GDPGP1: variants seen among roughly 807,000 people sequenced by gnomAD.
The protein encoded by GDPGP1 is GDP-D-glucose phosphorylase C15orf58.
GDPGP1 carries 18 observed loss-of-function variants against 19.2 expected under a neutral mutation model. The ratio of observed to expected loss-of-function variants is 0.94; its 90% CI spans 0.65 to 1.39. The LOEUF (loss-of-function observed/expected upper bound fraction) is 1.39, where lower values mean the gene tolerates loss of function less well. Among genes scored for constraint, GDPGP1 ranks in the 40% most tolerant of loss-of-function variants. The pLI is 0.00. For synonymous variants in GDPGP1, 219 were observed against 208.9 expected (o/e 1.05, Z -0.42); for missense variants, 449 against 490.5 (o/e 0.92, Z 0.80).
chr15:90,241,440 C>T lies in GDPGP1; in HGVS notation c.532C>T (p.Pro178Ser). 6.2e-7 allele frequency: 1 copy of T among 1,613,562 alleles called. No individual in the cohort carries two copies. The highest frequency in any genetic ancestry group is 1.1e-5 in the South Asian group (1 of 91,074). ...LLVPEPARQL[P>S]QRLLPGALRA... Reference sequence around the variant, plus strand: ...GGTGCCTGAGCCTGCCCGCCAGCTCCCCCAGCGCCTGCTGCCGGGTGCACT... The same window carrying T: ...GGTGCCTGAGCCTGCCCGCCAGCTCTCCCAGCGCCTGCTGCCGGGTGCACT... Residue 178 changes from proline (P) to serine (S), a missense_variant, in exon 4 of 4, where the codon CCC becomes TCC. Physicochemically the swap from Pro to Ser is moderately conservative, Grantham distance 74 (BLOSUM62 -1). Coordinates refer to ENST00000329600, the MANE Select transcript of GDPGP1 (RefSeq NM_001013657.3).
At position 90,241,966 on chromosome 15, in the gene GDPGP1, C is replaced by G. The variant is rs369622804; in HGVS notation, c.1058C>G (p.Ala353Gly). The G allele has an allele frequency of 6.2e-7, 1 of 1,613,956 alleles. No homozygotes were observed. Among genetic ancestry groups the G allele is most frequent in the Non-Finnish European group, 8.5e-7 (1 of 1,179,914 alleles). The stretch of plus-strand genomic sequence containing the variant: ...CAGGACTTCAGCAGCCTGACAGAGG[C>G]AGCTGCTGTGGCCCTCATTCAGGAC... ...TSQDFSSLTE[A>G]AAVALIQDCR... The change falls in exon 4 of 4, where the codon GCA becomes GGA. Residue 353 changes from alanine to glycine, a missense_variant. By Grantham distance (60) the Ala-to-Gly change is moderately conservative (BLOSUM62 0). Transcript: ENST00000329600.
At chr15:90,237,533 G>T (rs762414005) in intron 2 of GDPGP1, among the ~76,000 whole-genome samples, 4 of 151,866 alleles carry the variant, frequency 2.6e-5, no homozygotes. Flanking sequence ...ATTCACCTGC[G>T]TCAGCCTCCC....
intron 3 of GDPGP1, among the ~76,000 whole-genome samples, chr15:90,239,576 A>G (rs1482949705): frequency 1.3e-5 from 2 of 152,302 alleles, no homozygotes; most frequent in Non-Finnish European, 2.9e-5. Flanking sequence ...AGAACTCACT[A>G]TCACGAGAAC....
chr15:90,237,221 A>C (rs1216983211), intron 2 of GDPGP1, among the ~76,000 whole-genome samples: 1 of 148,900 alleles, frequency 6.7e-6, no homozygotes, highest in Non-Finnish European at 1.5e-5. Flanking sequence ...GGCCCCCCAG[A>C]GTGCTGGGAT....
In GDPGP1 at chr15:90,242,021, C is replaced by T. The variant is rs760442227; in HGVS notation, c.1113C>T (p.Asp371=). 5.6e-6 allele frequency: 9 copies of T among 1,613,656 alleles called. No homozygotes were observed. Among genetic ancestry groups the T allele is most frequent in the Admixed American group, 5.0e-5 (3 of 59,944 alleles). Residue 371 remains aspartate (D), a synonymous_variant, in exon 4 of 4, where the codon GAC becomes GAT. Coordinates refer to ENST00000329600, the MANE Select transcript of GDPGP1 (RefSeq NM_001013657.3). ...GGCTGCCCCCATCCCAGGCAGAAGACGTACAGGCAGCACTGGTGGCCCTGA... is the reference window on the plus strand; with the variant it reads ...GGCTGCCCCCATCCCAGGCAGAAGATGTACAGGCAGCACTGGTGGCCCTGA... The part of the protein sequence containing the change: ...DCRLPPSQAE[D]VQAALVALMS...
In GDPGP1 at chr15:90,241,075, A is replaced by C; in HGVS notation, c.167A>C (p.Gln56Pro). 1 of 1,614,144 alleles carries C rather than the reference A, an allele frequency of 6.2e-7. No individual in the cohort carries two copies. The highest frequency in any genetic ancestry group is 1.6e-4 in the Middle Eastern group (1 of 6,062). ...CCTGGCATCCCAGATGCTCTGCCAC[A>C]ATCTCCCTTTGATGCTGCACTCTGC... ...NAPGIPDALP[Q>P]SPFDAALCSA... Residue 56 changes from glutamine to proline, a missense_variant, in exon 4 of 4, where the codon CAA becomes CCA. Coordinates refer to ENST00000329600, the MANE Select transcript of GDPGP1 (RefSeq NM_001013657.3).
chr15:90,234,211 A>T lies in GDPGP1; in HGVS notation c.-223A>T. 1 of 275,662 alleles carries T rather than the reference A, an allele frequency of 3.6e-6. No homozygotes were observed. The highest frequency in any genetic ancestry group is 6.8e-6 in the Non-Finnish European group (1 of 146,668). The allele number at this position is 275,662 out of a possible 1,614,324, so 17.1% of individuals were successfully genotyped here. A position where few individuals can be genotyped will look rare whatever the true frequency, so the allele number is the denominator to read the frequency against. Reference sequence around the variant, plus strand: ...CCGCGCGCGTGCGTGCTGGCTGCGTATGCGTCACGGGCGTCATGACCTCGC... The same window carrying T: ...CCGCGCGCGTGCGTGCTGGCTGCGTTTGCGTCACGGGCGTCATGACCTCGC... On this transcript the variant is annotated 5_prime_UTR_variant, in exon 1 of 4. The change abolishes an upstream ATG in the 5' untranslated region. Transcript: ENST00000329600.
chr15:90,241,922 C>A lies in GDPGP1; in HGVS notation c.1014C>A (p.His338Gln). The change falls in exon 4 of 4, where the codon CAC becomes CAA. Residue 338 changes from histidine to glutamine, a missense_variant. Coordinates refer to ENST00000329600, the MANE Select transcript of GDPGP1 (RefSeq NM_001013657.3). ...FNVALCELAG[H>Q]LPVKTSQDFS... is the part of the protein sequence containing the mutation. ...TTGCCCTCTGTGAGCTGGCTGGGCA[C>A]CTCCCTGTCAAAACATCCCAGGACT... The A allele has an allele frequency of 1.2e-6, 2 of 1,614,142 alleles. No homozygotes were observed. The highest frequency in any genetic ancestry group is 8.5e-7 in the Non-Finnish European group (1 of 1,180,034).
In GDPGP1 at chr15:90,242,084, A is replaced by G; in HGVS notation, c.*18A>G. 6.4e-7 allele frequency: 1 copy of G among 1,571,996 alleles called. No homozygotes were observed. Among genetic ancestry groups the G allele is most frequent in the Non-Finnish European group, 8.6e-7 (1 of 1,156,532 alleles). ...AGCAATAATACTTCTGGATGTATTTATGTTCTTTTTTTCTTTTCTTTTGAG... is the reference window on the plus strand; with the variant it reads ...AGCAATAATACTTCTGGATGTATTTGTGTTCTTTTTTTCTTTTCTTTTGAG... On this transcript the variant is annotated 3_prime_UTR_variant, in exon 4 of 4. Transcript: ENST00000329600.
At chr15:90,237,037 C>G (rs544486494) in intron 2 of GDPGP1, among the ~76,000 whole-genome samples, 7 of 152,238 alleles carry the variant, frequency 4.6e-5, no homozygotes, top group African/African-American at 1.2e-4. Flanking sequence ...TAGCTCACTG[C>G]AACCTCTGCC....
Position 90,240,992 on chromosome 15 carries a change from C to G in GDPGP1, c.84C>G (p.Asp28Glu), listed in dbSNP as rs1249015307. The change falls in exon 4 of 4, where the codon GAC (aspartate) becomes GAG (glutamate). Residue 28 changes from aspartate to glutamate, a missense_variant. By Grantham distance (45) the Asp-to-Glu change is conservative. Transcript: ENST00000329600. ...NEDWGRQTIP[D>E]FVYGQKDLMA... ...ACTGGGGCAGGCAAACCATTCCTGA[C>G]TTTGTTTATGGGCAGAAGGATCTCA... is the stretch of plus-strand genomic sequence containing the variant. 1 of 1,614,060 alleles carries G rather than the reference C, an allele frequency of 6.2e-7. No individual in the cohort carries two copies. The highest frequency in any genetic ancestry group is 1.1e-5 in the South Asian group (1 of 91,084).
Position 90,242,282 on chromosome 15 carries a change from G to T in GDPGP1, c.*216G>T, listed in dbSNP as rs1328587720. On this transcript the variant is annotated 3_prime_UTR_variant, in exon 4 of 4. Transcript: ENST00000329600. ...TTTTTTTTTTTTTTTTTTTTTTAACGATTAGGTGATTTTGTATTTTTTTAT... is the reference window on the plus strand; with the variant it reads ...TTTTTTTTTTTTTTTTTTTTTTAACTATTAGGTGATTTTGTATTTTTTTAT... 5.9e-5 allele frequency: 16 copies of T among 272,276 alleles called. No homozygotes were observed. In the East Asian group the frequency reaches 6.5e-4, roughly 11 times the overall value. The allele number at this position is 272,276 out of a possible 1,614,324, so 16.9% of individuals were successfully genotyped here.
rs1030612172 is a variant in GDPGP1, at chr15:90,238,564, G to C, written c.-10+16G>C. 2 of 152,130 alleles carry C rather than the reference G, an allele frequency of 1.3e-5. No homozygotes were observed. Among genetic ancestry groups the C allele is most frequent in the African/African-American group, 2.4e-5 (1 of 41,422 alleles). The allele number at this position is 152,130 out of a possible 1,614,324, so 9.4% of individuals were successfully genotyped here. ...CTCTACTAAGGTAATGCCTCCTTTT[G>C]ACATCCTATCTGGGCCAGTGGCAGA... is the stretch of plus-strand genomic sequence containing the variant. On this transcript the variant is annotated intron_variant, in intron 3 of 3. Transcript: ENST00000329600.
At chr15:90,234,768 C>A (rs1175661161) in intron 2 of GDPGP1, among the ~76,000 whole-genome samples, 172 bp downstream of exon 2, 1 of 152,172 alleles carries the variant, frequency 6.6e-6, no homozygotes, top group African/African-American at 2.4e-5. Context: ...TCCATCTCAC[C>A]CCTAGACTGC....
intron 2 of GDPGP1, among the ~76,000 whole-genome samples, chr15:90,235,268 T>C (rs961667616): frequency 6.6e-6 from 1 of 152,178 alleles, no homozygotes. Context: ...CATTCCATCA[T>C]TGTAGAAATA....
chr15:90,241,316 C>T lies in GDPGP1; in HGVS notation c.408C>T (p.Phe136=). ...FNKIRPGEVL[F]RLHREPDLPG... is the part of the protein sequence containing the mutation. ...AGATCCGGCCCGGAGAAGTCCTCTT[C>T]CGTTTGCACCGGGAGCCTGATCTCC... The change falls in exon 4 of 4, where the codon TTC becomes TTT. Residue 136 remains phenylalanine, a synonymous_variant. Coordinates refer to ENST00000329600, the MANE Select transcript of GDPGP1 (RefSeq NM_001013657.3). 6.2e-7 allele frequency: 1 copy of T among 1,614,236 alleles called. No individual in the cohort carries two copies. The highest frequency in any genetic ancestry group is 8.5e-7 in the Non-Finnish European group (1 of 1,180,042).
chr15:90,241,508 C>T lies in GDPGP1; in HGVS notation c.600C>T (p.Gly200=). 1.9e-6 allele frequency: 3 copies of T among 1,613,702 alleles called. No homozygotes were observed. The highest frequency in any genetic ancestry group is 2.5e-6 in the Non-Finnish European group (3 of 1,180,032). ...IEAVLLSLHP[G]FRVGFNSLGG... is the part of the protein sequence containing the mutation. ...CTGTGCTGCTGAGCTTACACCCGGG[C>T]TTCCGTGTCGGCTTCAACAGCCTGG... The change falls in exon 4 of 4, where the codon GGC becomes GGT. Residue 200 remains glycine, a synonymous_variant. Transcript: ENST00000329600.
Position 90,241,665 on chromosome 15 carries a change from C to G in GDPGP1, c.757C>G (p.Pro253Ala), listed in dbSNP as rs1385853204. The change falls in exon 4 of 4, where the codon CCT (proline) becomes GCT (alanine). Residue 253 changes from proline to alanine, a missense_variant. Physicochemically the swap from Pro to Ala is conservative, Grantham distance 27 (BLOSUM62 -1). Coordinates refer to ENST00000329600, the MANE Select transcript of GDPGP1 (RefSeq NM_001013657.3). ...GCATCTGCTCCAGGACCTCCCAGCTCCTGGCTTCCTCTTTTACACTCGTGG... is the reference window on the plus strand; with the variant it reads ...GCATCTGCTCCAGGACCTCCCAGCTGCTGGCTTCCTCTTTTACACTCGTGG... ...HLHLLQDLPA[P>A]GFLFYTRGPG... 1 of 1,614,232 alleles carries G rather than the reference C, an allele frequency of 6.2e-7. No individual in the cohort carries two copies. The highest frequency in any genetic ancestry group is 8.5e-7 in the Non-Finnish European group (1 of 1,180,034).
chr15:90,240,743 G>A, intron 3 of GDPGP1, 157 bp from the exon 4 acceptor site: 1 of 575,986 alleles, frequency 1.7e-6, no homozygotes, highest in Non-Finnish European at 3.0e-6. Context: ...AACCCAGGAG[G>A]CGGAGGTTAC....
Sources: allele counts gnomAD v4.1 joint callset (sites outside exome capture counted in the v4.1 genomes callset), GRCh38; gene constraint gnomAD v4.1.1; transcripts MANE v1.5; gene names NCBI Gene and HGNC (gene_info 2026-07-23, HGNC 2026-07-21).